Variants in AFAP1 observed in about 807,000 individuals in gnomAD.
The protein encoded by AFAP1 is actin filament associated protein 1.
A neutral mutation model predicts 93.9 loss-of-function variants in AFAP1; 75 were observed. The observed-to-expected ratio is 0.80, with a 90% CI of 0.66 to 0.97. The LOEUF is 0.97. Ranked by LOEUF, AFAP1 falls within the 50% of genes least tolerant of loss-of-function variation. The probability of loss-of-function intolerance (pLI) is 0.00; values close to 1 mark genes in which losing one functional copy is unlikely to be tolerated. For missense variants in AFAP1, 1,201 were observed against 1,050.8 expected, an observed-to-expected ratio of 1.14 and a Z score of -1.98; for synonymous variants, 517 against 430.7, an observed-to-expected ratio of 1.20 and a Z score of -2.48.
chr4:7,886,707 T>C (rs1718160645), intron 1 of AFAP1, among the ~76,000 whole-genome samples: 1 of 152,180 alleles, frequency 6.6e-6, no homozygotes, highest in South Asian at 2.1e-4. Flanking sequence ...AAACAGGACC[T>C]AGATCTGGGT....
At chr4:7,771,625 G>A (rs941906659) in intron 16 of AFAP1, among the ~76,000 whole-genome samples, 2 of 152,146 alleles carry the variant, frequency 1.3e-5, no homozygotes, top group African/African-American at 4.8e-5. Flanking sequence ...TGCAGCGACC[G>A]TTATTATTTA....
chr4:7,855,608 G>T, intron 3 of AFAP1, 34 bp from the exon 4 acceptor site: 2 of 1,499,578 alleles, frequency 1.3e-6, no homozygotes, highest in Non-Finnish European at 1.9e-6. Context: ...ACAGAAATTA[G>T]CATGACCATT....
chr4:7,768,095 C>T (rs906610904), intron 17 of AFAP1, among the ~76,000 whole-genome samples: 20 of 152,180 alleles, frequency 1.3e-4, no homozygotes, highest in Non-Finnish European at 2.4e-4. Context: ...AAGTTAATTC[C>T]GGCAATGAGA....
intron 6 of AFAP1, among the ~76,000 whole-genome samples, chr4:7,824,018 CAGGTT>C (rs1721209827): frequency 6.6e-6 from 1 of 152,202 alleles, no homozygotes; most frequent in Non-Finnish European, 1.5e-5. Context: ...TCGGAGAGGT[CAGGTT>C]ATTTTCATGA....
At chr4:7,859,877 A>G (rs781229289) in intron 3 of AFAP1, among the ~76,000 whole-genome samples, 1 of 152,184 alleles carries the variant, frequency 6.6e-6, no homozygotes, top group African/African-American at 2.4e-5. Context: ...ATTCACAGAG[A>G]ATTCTCTTTC....
At chr4:7,929,246 T>A (rs1480158225) in intron 1 of AFAP1, among the ~76,000 whole-genome samples, 1 of 152,206 alleles carries the variant, frequency 6.6e-6, no homozygotes, top group African/African-American at 2.4e-5. Context: ...ATCACTGCCC[T>A]GTGCCACAGC....
At chr4:7,793,651 G>A (rs1184586896) in intron 11 of AFAP1, 30 bp downstream of exon 11, 1 of 1,487,140 alleles carries the variant, frequency 6.7e-7, no homozygotes, top group Non-Finnish European at 9.1e-7. Flanking sequence ...ACTGAACTGT[G>A]GTGCCATTTC....
At chr4:7,898,860 GTA>G (rs1232147845) in intron 1 of AFAP1, among the ~76,000 whole-genome samples, 2 of 137,542 alleles carry the variant, frequency 1.5e-5, no homozygotes, top group African/African-American at 5.5e-5. Context: ...ATATGTATGT[GTA>G]TATATATGTG....
chr4:7,939,647 C>T lies in AFAP1; in HGVS notation c.-3+9G>A. ...TCCGGAGACCCTGCCGCCAGTCGCG[C>T]CGTCTCACCTCAGGCCGCCACCTCG... On this transcript the variant is annotated intron_variant, in intron 1 of 17. Coordinates refer to ENST00000420658, the MANE Select transcript of AFAP1 (RefSeq NM_001134647.2). The surrounding 1 kb of genome is among the most constrained non-coding windows in gnomAD (Gnocchi z 5.6). 2.4e-6 allele frequency: 1 copy of T among 418,400 alleles called. No homozygotes were observed. The highest frequency in any genetic ancestry group is 1.6e-5 in the South Asian group (1 of 61,052). The allele number at this position is 418,400 out of a possible 1,614,324, so 25.9% of individuals were successfully genotyped here.
intron 10 of AFAP1, among the ~76,000 whole-genome samples, chr4:7,798,097 G>A (rs28375486): frequency 0.011 from 1,039 of 93,242 alleles, 21 homozygotes; most frequent in South Asian, 0.027. Flanking sequence ...GCTGGCTCAC[G>A]GCATTGCAAC....
rs58075483 is a variant in AFAP1, at chr4:7,827,569, C to CAAAAA, written c.727-8403_727-8399dup. 6.3e-3 allele frequency among the ~76,000 whole-genome samples: 331 copies of CAAAAA among 52,220 alleles called. 21 individuals carry two copies. Among genetic ancestry groups the CAAAAA allele is most frequent in the African/African-American group, 0.021 (264 of 12,500 alleles). 34.3% of individuals were successfully genotyped at this position (52,220 alleles called of 152,430 possible). Reference sequence around the variant, plus strand: ...ATGAACAAGAGTGAAACTCTGTCTCCAAAAAAAAAAAAAAAAAAAAAGGGA... The same window carrying CAAAAA: ...ATGAACAAGAGTGAAACTCTGTCTCCAAAAAAAAAAAAAAAAAAAAAAAAAAGGGA... On this transcript the variant is annotated intron_variant, in intron 6 of 17. Coordinates refer to ENST00000420658, the MANE Select transcript of AFAP1 (RefSeq NM_001134647.2).
intron 1 of AFAP1, among the ~76,000 whole-genome samples, chr4:7,909,557 T>C (rs921773262): frequency 6.6e-6 from 1 of 152,124 alleles, no homozygotes; most frequent in African/African-American, 2.4e-5. Context: ...AACCGGCAAA[T>C]ATACTTCACG....
At chr4:7,909,431 C>T (rs907363900) in intron 1 of AFAP1, among the ~76,000 whole-genome samples, 2 of 152,188 alleles carry the variant, frequency 1.3e-5, no homozygotes, top group African/African-American at 2.4e-5. Context: ...GTACTTCATA[C>T]CCAAAATCGT....
At chr4:7,826,040 T>C (rs1046161950) in intron 6 of AFAP1, among the ~76,000 whole-genome samples, 1 of 150,704 alleles carries the variant, frequency 6.6e-6, no homozygotes, top group African/African-American at 2.4e-5. Flanking sequence ...ATCCTAAAAG[T>C]GAAGGCTCCT....
chr4:7,902,695 T>C (rs553162288), intron 1 of AFAP1, among the ~76,000 whole-genome samples: 1 of 152,280 alleles, frequency 6.6e-6, no homozygotes, highest in South Asian at 2.1e-4. Flanking sequence ...GAGTACATAT[T>C]CTCCATTGCG....
At chr4:7,871,522 C>A (rs989154963) in intron 2 of AFAP1, among the ~76,000 whole-genome samples, 6 of 152,200 alleles carry the variant, frequency 3.9e-5, no homozygotes, top group Non-Finnish European at 8.8e-5. Context: ...CTCTGTGTGA[C>A]CCTCGTGGGA....
chr4:7,773,169 A>G (rs1715680304), intron 15 of AFAP1, 159 bp from the exon 16 acceptor site: 3 of 1,161,540 alleles, frequency 2.6e-6, no homozygotes, highest in South Asian at 3.3e-5. Context: ...GCAGTTCTCT[A>G]AGGGATCAGA....
At chr4:7,918,540 A>C (rs12507127) in intron 1 of AFAP1, among the ~76,000 whole-genome samples, 31,103 of 77,328 alleles carry the variant, frequency 0.4, 8,536 homozygotes, top group East Asian at 0.73. Context: ...CCAGGTCACC[A>C]AGAAACAGGG....
intron 1 of AFAP1, among the ~76,000 whole-genome samples, chr4:7,888,802 G>T (rs28492032): frequency 0.11 from 17,343 of 151,916 alleles, 1,142 homozygotes; most frequent in Non-Finnish European, 0.16. Flanking sequence ...TGTTGTTGTT[G>T]TTTTTTGAAA....
Sources: gnomAD v4.1 joint callset for allele counts (sites outside exome capture counted in the v4.1 genomes callset) on GRCh38, gnomAD v4.1.1 for gene constraint, Gnocchi (gnomAD v3.1) non-coding constraint, MANE v1.5 for transcripts, NCBI Gene and HGNC (gene_info 2026-07-23, HGNC 2026-07-21) for gene names.